ABCB4: variants seen among roughly 807,000 people sequenced by gnomAD.
The protein encoded by ABCB4 is ATP binding cassette subfamily B member 4.
ABCB4 carries 76 observed loss-of-function variants against 145.7 expected under a neutral mutation model. The observed-to-expected ratio is 0.52, with a 90% confidence interval of 0.43 to 0.63. The LOEUF is 0.63. Ranked by LOEUF, ABCB4 falls within the 30% of genes least tolerant of loss-of-function variation. ABCB4 has a pLI of 0.00. For missense variants in ABCB4, 1,234 were observed against 1,553.1 expected, an observed-to-expected ratio of 0.79 and a Z score of 3.45; for synonymous variants, 517 against 566.8, an observed-to-expected ratio of 0.91 and a Z score of 1.25.
intron 3 of ABCB4, among the ~76,000 whole-genome samples, chr7:87,468,995 T>C (rs1252599238): frequency 1.3e-5 from 2 of 152,004 alleles, no homozygotes; most frequent in Admixed American, 6.6e-5. Context: ...GCAAACCGAA[T>C]CCAGCAGCAC....
At position 87,475,425 on chromosome 7, in the gene ABCB4, G is replaced by A. The variant is rs763754202; in HGVS notation, c.41C>T (p.Pro14Leu). ...EAAKNGTAWR[P>L]TSAEGDFELG... ...TTCAAAGTCGCCCTCCGCGCTCGTGGGGCGCCAGGCTGTTCCGTTCTTTGC... is the reference window on the plus strand; with the variant it reads ...TTCAAAGTCGCCCTCCGCGCTCGTGAGGCGCCAGGCTGTTCCGTTCTTTGC... The change falls in exon 2 of 28, where the codon CCC becomes CTC. Residue 14 changes from proline to leucine, a missense_variant. Physicochemically the swap from Pro to Leu is moderately conservative, Grantham distance 98. Coordinates refer to ENST00000649586, the MANE Select transcript of ABCB4 (RefSeq NM_000443.4). 4 of 1,614,104 alleles carry A rather than the reference G, an allele frequency of 2.5e-6. No homozygotes were observed. Among genetic ancestry groups the A allele is most frequent in the Admixed American group, 1.7e-5 (1 of 60,010 alleles).
intron 4 of ABCB4, among the ~76,000 whole-genome samples, chr7:87,456,335 C>T (rs1812098630): frequency 6.6e-6 from 1 of 152,164 alleles, no homozygotes; most frequent in Non-Finnish European, 1.5e-5. Context: ...ATGTGATCCT[C>T]AGTGTTGGAG....
chr7:87,406,136 A>G, intron 26 of ABCB4, 152 bp downstream of exon 26: 1 of 756,904 alleles, frequency 1.3e-6, no homozygotes, highest in Non-Finnish European at 2.3e-6. Context: ...CCATTTACAA[A>G]TAAGGAAGCT....
chr7:87,399,381 C>T (rs1303496124), downstream of ABCB4: 1 of 152,340 alleles, frequency 6.6e-6, no homozygotes, highest in Admixed American at 6.5e-5. Flanking sequence ...AAGGCTGAGA[C>T]AGGAGGATCG....
At chr7:87,431,937 A>T (rs1343140288) in intron 14 of ABCB4, among the ~76,000 whole-genome samples, 2 of 152,186 alleles carry the variant, frequency 1.3e-5, no homozygotes, top group Non-Finnish European at 2.9e-5. Context: ...TATTTTAGGG[A>T]AGTTGTTGCC....
chr7:87,412,087 G>A, intron 22 of ABCB4, 54 bp from the exon 23 acceptor site: 1 of 1,607,848 alleles, frequency 6.2e-7, no homozygotes, highest in Non-Finnish European at 8.5e-7. Context: ...CTTTAGCGCT[G>A]TGTAGTGGAA....
intron 6 of ABCB4, 104 bp from the exon 7 acceptor site, chr7:87,451,898 T>C: frequency 9.4e-7 from 1 of 1,061,082 alleles, no homozygotes; most frequent in Non-Finnish European, 1.5e-6. Flanking sequence ...GTTCACTGAC[T>C]GCAAGCCTCT....
Position 87,403,222 on chromosome 7 carries a change from CCT to C in ABCB4, c.3544_3545del (p.Arg1182AspfsTer18), listed in dbSNP as rs1294137249. 4 of 1,614,052 alleles carry C rather than the reference CCT, an allele frequency of 2.5e-6. No homozygotes were observed. The highest frequency in any genetic ancestry group is 3.4e-6 in the Non-Finnish European group (4 of 1,179,952). On this transcript the variant is annotated frameshift_variant, in exon 27 of 28. Transcript: ENST00000649586. LOFTEE classifies it high-confidence loss of function. Reference protein sequence around the residue: ...GTQLSGGQKQRIAIARALIRQ... With the variant: ...GTQLSGGQKQXIAIARALIRQ... Reference sequence around the variant, plus strand: ...TGATGAGGGCTCGGGCAATAGCAATCCTCTGTTTTTGACCTCCTGAGAGCTGA... The same window carrying C: ...TGATGAGGGCTCGGGCAATAGCAATCCTGTTTTTGACCTCCTGAGAGCTGA...
the ABCB4 span, among the ~76,000 whole-genome samples, chr7:87,380,052 A>G: frequency 5.9e-5 from 9 of 152,182 alleles, no homozygotes; most frequent in Admixed American, 5.9e-4. Context: ...TCCAGGTTGC[A>G]GTGAGCCATG....
chr7:87,419,805 A>AAAAAAAAAAC (rs1809282731), intron 19 of ABCB4, among the ~76,000 whole-genome samples, 193 bp downstream of exon 19: 1 of 151,078 alleles, frequency 6.6e-6, no homozygotes, highest in African/African-American at 2.4e-5. Flanking sequence ...AACAAAAACA[A>AAAAAAAAAAC]AAAAAAAACA....
chr7:87,468,531 T>G (rs1444539364), intron 3 of ABCB4, among the ~76,000 whole-genome samples: 1 of 152,230 alleles, frequency 6.6e-6, no homozygotes, highest in Non-Finnish European at 1.5e-5. Context: ...CTAACTCATT[T>G]TATGAGGCCA....
chr7:87,398,688 C>T (rs1429557773), downstream of ABCB4: 4 of 1,587,526 alleles, frequency 2.5e-6, no homozygotes, highest in Admixed American at 1.7e-5. Flanking sequence ...TATCATTAAA[C>T]TGAGTGCTGG....
intron 3 of ABCB4, among the ~76,000 whole-genome samples, chr7:87,470,571 A>T (rs1374496450): frequency 1.3e-5 from 2 of 152,158 alleles, no homozygotes; most frequent in African/African-American, 4.8e-5. Flanking sequence ...ATGAACAGAC[A>T]CTCCTCAAAA....
downstream of ABCB4, among the ~76,000 whole-genome samples, chr7:87,400,840 T>C (rs777901103): frequency 2.6e-5 from 4 of 152,252 alleles, no homozygotes; most frequent in Non-Finnish European, 5.9e-5. Flanking sequence ...CAACCTATAA[T>C]GTGTAATGAG....
intron 4 of ABCB4, among the ~76,000 whole-genome samples, chr7:87,455,088 C>T (rs970467082): frequency 6.6e-5 from 10 of 151,314 alleles, no homozygotes; most frequent in Non-Finnish European, 1.3e-4. Flanking sequence ...TCTCATATGA[C>T]ATAAGTAAGG....
chr7:87,395,636 C>A, the ABCB4 span, among the ~76,000 whole-genome samples: 3 of 152,260 alleles, frequency 2.0e-5, no homozygotes, highest in Admixed American at 2.0e-4. Flanking sequence ...AAGGCCTGGA[C>A]CAATGATAAC....
intron 2 of ABCB4, among the ~76,000 whole-genome samples, chr7:87,474,212 A>G (rs1038472541): frequency 1.3e-5 from 2 of 152,222 alleles, no homozygotes; most frequent in East Asian, 3.8e-4. Context: ...AGTGCAATAC[A>G]TAAATAGACT....
At chr7:87,431,881 A>T (rs530385657) in intron 14 of ABCB4, among the ~76,000 whole-genome samples, 3 of 152,346 alleles carry the variant, frequency 2.0e-5, no homozygotes, top group African/African-American at 7.2e-5. Flanking sequence ...TTGTCTGAGA[A>T]GCCCTAGCTC....
At chr7:87,431,071 C>T (rs1238957865) in intron 15 of ABCB4, among the ~76,000 whole-genome samples, 1 of 152,140 alleles carries the variant, frequency 6.6e-6, no homozygotes, top group Non-Finnish European at 1.5e-5. Context: ...AGCCGGGGCT[C>T]CTCGGACAAG....
Sources: allele counts gnomAD v4.1 joint callset (sites outside exome capture counted in the v4.1 genomes callset), GRCh38; gene constraint gnomAD v4.1.1; transcripts MANE v1.5; gene names NCBI Gene and HGNC (gene_info 2026-07-23, HGNC 2026-07-21).